Variants in NANOGNB observed in about 807,000 individuals in gnomAD.
NANOGNB encodes the protein NANOG neighbor homeobox, also known as homeobox C14.
Under a neutral mutation model 25.0 loss-of-function variants are expected in NANOGNB, and 30 were observed. That is an observed-to-expected ratio of 1.20 (90% CI 0.90 to 1.63). NANOGNB has a LOEUF of 1.63. Ranked by LOEUF, NANOGNB falls within the 40% of genes most tolerant of loss-of-function variation. The probability of loss-of-function intolerance (pLI) is 0.00; values close to 1 mark genes in which losing one functional copy is unlikely to be tolerated. For synonymous variants in NANOGNB, 84 were observed against 62.1 expected (o/e 1.35, Z -1.66); for missense variants, 200 against 188.1 (o/e 1.06, Z -0.37).
intron 3 of NANOGNB, among the ~76,000 whole-genome samples, chr12:7,771,051 A>G (rs934348641): frequency 6.6e-6 from 1 of 152,240 alleles, no homozygotes; most frequent in African/African-American, 2.4e-5. Flanking sequence ...CCAAATGTAC[A>G]AATACAGACA....
chr12:7,772,647 A>C (rs1310333885), intron 3 of NANOGNB, among the ~76,000 whole-genome samples: 1 of 146,492 alleles, frequency 6.8e-6, no homozygotes, highest in Non-Finnish European at 1.5e-5. Flanking sequence ...ACAGTGGCCC[A>C]ATCTTGGCTT....
intron 3 of NANOGNB, 101 bp downstream of exon 3, chr12:7,770,619 T>G (rs1865284773): frequency 4.9e-6 from 3 of 613,088 alleles, no homozygotes; most frequent in South Asian, 5.0e-5. Context: ...CCCATAAACT[T>G]TTTTTTTTTT....
In NANOGNB at chr12:7,769,944, G is replaced by A; in HGVS notation, c.103-39G>A. On this transcript the variant is annotated intron_variant, in intron 1 of 3. Coordinates refer to ENST00000382119, the MANE Select transcript of NANOGNB (RefSeq NM_001145465.1). ...GACTATGCTCTGAAAGTCAAATTTA[G>A]CTGCAGCTTGATTTTATTCCACGGA... 2.8e-6 allele frequency: 4 copies of A among 1,414,806 alleles called. No individual in the cohort carries two copies. The South Asian group carries it at 6.0e-5, about 21-fold the overall frequency. The allele number at this position is 1,414,806 out of a possible 1,614,324, so 87.6% of individuals were successfully genotyped here. A position where few individuals can be genotyped will look rare whatever the true frequency, so the allele number is the denominator to read the frequency against.
intron 3 of NANOGNB, among the ~76,000 whole-genome samples, chr12:7,772,888 A>G (rs1370467032): frequency 2.6e-5 from 4 of 151,638 alleles, no homozygotes; most frequent in African/African-American, 4.8e-5. Context: ...GGGCTCTTTT[A>G]CCTCTTGGTA....
At chr12:7,767,381 GT>G (rs63721661) in intron 1 of NANOGNB, among the ~76,000 whole-genome samples, 38,235 of 140,148 alleles carry the variant, frequency 0.27, 5,029 homozygotes, top group Middle Eastern at 0.35. Flanking sequence ...TTACAAGAGG[GT>G]TTTTTTTTTT....
intron 3 of NANOGNB, among the ~76,000 whole-genome samples, chr12:7,771,374 C>T (rs1394888559): frequency 2.6e-5 from 4 of 151,946 alleles, no homozygotes; most frequent in Admixed American, 6.6e-5. Flanking sequence ...GCACCCACCA[C>T]CACGCCCGGC....
rs1374665107 is a variant in NANOGNB, at chr12:7,773,806, ATC to A, written c.526_527del (p.Leu176ValfsTer24). 4 of 601,414 alleles carry A rather than the reference ATC, an allele frequency of 6.7e-6. No homozygotes were observed. The highest frequency in any genetic ancestry group is 1.2e-5 in the Non-Finnish European group (4 of 346,086). 37.3% of individuals were successfully genotyped at this position (601,414 alleles called of 1,614,324 possible). A position where few individuals can be genotyped will look rare whatever the true frequency, so the allele number is the denominator to read the frequency against. On this transcript the variant is annotated frameshift_variant, in exon 4 of 4. Transcript: ENST00000382119. LOFTEE classifies it high-confidence loss of function. Reference sequence around the variant, plus strand: ...TTTTTTTTTTTTTAAACAGATGGAGATCTCTGTGTTGCCAAGGCTGGTCTCGA... The same window carrying A: ...TTTTTTTTTTTTTAAACAGATGGAGATCTGTGTTGCCAAGGCTGGTCTCGA... The part of the protein sequence containing the change: ...KHKKKHMRWR[S>X]LCCQGWSRTP...
rs756899398 is a variant in NANOGNB at position 7,768,527 on chromosome 12, T to C, written c.103-1456T>C. Among the ~76,000 whole-genome samples, 17 of 152,058 alleles carry C rather than the reference T, an allele frequency of 1.1e-4. No homozygotes were observed. In the South Asian group the frequency reaches 2.5e-3, roughly 22 times the overall value. On this transcript the variant is annotated intron_variant, in intron 1 of 3. Transcript: ENST00000382119. ...GCATATTTCTTTTCTTTCTTTCTTT[T>C]TTTTTTTTGAGAGGGATTCTCGCTC...
Position 7,773,908 on chromosome 12 carries a change from G to A in NANOGNB, c.*57G>A. On this transcript the variant is annotated 3_prime_UTR_variant, in exon 4 of 4. Coordinates refer to ENST00000382119, the MANE Select transcript of NANOGNB (RefSeq NM_001145465.1). ...ATTACAAGCATGAGCCATCGCACTG[G>A]CTAAGACATTTTACATGACACCATT... is the stretch of plus-strand genomic sequence containing the variant. The A allele has an allele frequency of 3.4e-6, 2 of 593,456 alleles. No individual in the cohort carries two copies. The highest frequency in any genetic ancestry group is 2.0e-5 in the South Asian group (1 of 49,718). 36.8% of individuals were successfully genotyped at this position (593,456 alleles called of 1,614,324 possible).
In NANOGNB at chr12:7,773,546, C is replaced by CAAAAAAAAAAAAAAAAAAAAAAA. The variant is rs869038102; in HGVS notation, c.516-243_516-221dup. On this transcript the variant is annotated intron_variant, in intron 3 of 3. Transcript: ENST00000382119. Reference sequence around the variant, plus strand: ...TGAAACTCCATCTCTACTAAAAATACAAAAAAAAAAAAAAAAAAAAAAAAA... The same window carrying CAAAAAAAAAAAAAAAAAAAAAAA: ...TGAAACTCCATCTCTACTAAAAATACAAAAAAAAAAAAAAAAAAAAAAAAAAAAAAAAAAAAAAAAAAAAAAAA... Among the ~76,000 whole-genome samples, 24 of 15,442 alleles carry CAAAAAAAAAAAAAAAAAAAAAAA rather than the reference C, an allele frequency of 1.6e-3. 7 individuals are homozygous for CAAAAAAAAAAAAAAAAAAAAAAA. The highest frequency in any genetic ancestry group is 2.3e-3 in the Non-Finnish European group (24 of 10,302). 10.1% of individuals were successfully genotyped at this position (15,442 alleles called of 152,430 possible). A position where few individuals can be genotyped will look rare whatever the true frequency, so the allele number is the denominator to read the frequency against.
Position 7,770,067 on chromosome 12 carries a change from T to C in NANOGNB, c.187T>C (p.Trp63Arg), listed in dbSNP as rs1008856218. ...AGATGAACAAAATGGAAAGCAGAAA[T>C]GGAGAGAAGAAGGAGAAGCAGGCAG... ...SEDEQNGKQK[W>R]REEGEAGRKR... The change falls in exon 2 of 4, where the codon TGG (tryptophan) becomes CGG (arginine). Residue 63 changes from tryptophan to arginine, a missense_variant. Trp to Arg is a moderately radical substitution (Grantham distance 101). Coordinates refer to ENST00000382119, the MANE Select transcript of NANOGNB (RefSeq NM_001145465.1). 1 of 1,540,702 alleles carries C rather than the reference T, an allele frequency of 6.5e-7. No homozygotes were observed. Among genetic ancestry groups the C allele is most frequent in the Non-Finnish European group, 8.7e-7 (1 of 1,143,820 alleles).
chr12:7,769,797 A>AT (rs1865275576), intron 1 of NANOGNB, among the ~76,000 whole-genome samples, 186 bp from the exon 2 acceptor site: 1 of 152,208 alleles, frequency 6.6e-6, no homozygotes, highest in Non-Finnish European at 1.5e-5. Flanking sequence ...AAGTGCTGGG[A>AT]TTACAGGCAT....
intron 3 of NANOGNB, among the ~76,000 whole-genome samples, chr12:7,770,851 A>G (rs1865286513): frequency 6.6e-6 from 1 of 152,176 alleles, no homozygotes; most frequent in Admixed American, 6.5e-5. Context: ...ACCTCAGGTG[A>G]TCCACCAGCC....
At chr12:7,771,999 C>T (rs901770477) in intron 3 of NANOGNB, among the ~76,000 whole-genome samples, 3 of 152,178 alleles carry the variant, frequency 2.0e-5, no homozygotes, top group Non-Finnish European at 4.4e-5. Flanking sequence ...TGGTTACCAA[C>T]ACCGAGGGAA....
intron 2 of NANOGNB, 26 bp from the exon 3 acceptor site, chr12:7,770,413 A>T (rs1211815861): frequency 6.6e-7 from 1 of 1,525,658 alleles, no homozygotes; most frequent in Admixed American, 2.1e-5. Context: ...TGTATTAATC[A>T]CCTCCCACAC....
chr12:7,770,447 A>G lies in NANOGNB; in HGVS notation c.444A>G (p.Gln148=), dbSNP rs1170611480. 5.2e-6 allele frequency: 8 copies of G among 1,538,484 alleles called. No individual in the cohort carries two copies. In the South Asian group the frequency reaches 9.7e-5, roughly 19 times the overall value. Residue 148 remains glutamine (Q), a synonymous_variant, in exon 3 of 4, where the codon CAA becomes CAG. Coordinates refer to ENST00000382119, the MANE Select transcript of NANOGNB (RefSeq NM_001145465.1). ...ACCTCATTTTTTTGTAGATAAGTCA[A>G]TGGTTTTGTAAAACGAGGAAGAAAT... is the stretch of plus-strand genomic sequence containing the variant. ...EFDMTHKQIS[Q]WFCKTRKKYN...
At chr12:7,766,107 G>C in intron 1 of NANOGNB, 1 of 398,640 alleles carries the variant, frequency 2.5e-6, no homozygotes. Flanking sequence ...TTCAGGAAGT[G>C]GGAGAATAAA....
chr12:7,766,122 T>G (rs2120509074), intron 1 of NANOGNB: 1 of 398,526 alleles, frequency 2.5e-6, no homozygotes, highest in South Asian at 1.3e-4. Context: ...AATAAACTCT[T>G]TCAATGTGGA....
At chr12:7,767,924 G>A (rs917162370) in intron 1 of NANOGNB, among the ~76,000 whole-genome samples, 3 of 151,864 alleles carry the variant, frequency 2.0e-5, no homozygotes, top group Non-Finnish European at 4.4e-5. Context: ...TGTTGCCCAG[G>A]CTGGTTTTGA....
Sources: allele counts gnomAD v4.1 joint callset (sites outside exome capture counted in the v4.1 genomes callset), GRCh38; gene constraint gnomAD v4.1.1; transcripts MANE v1.5; gene names NCBI Gene and HGNC (gene_info 2026-07-23, HGNC 2026-07-21).